The following WHAMM variants were observed in gnomAD, a reference collection of about 807,000 sequenced individuals.
WHAMM encodes WASP homolog associated with actin, golgi membranes and microtubules, also known as WASP homolog-associated protein with actin, membranes and microtubules.
Under a neutral mutation model 76.5 loss-of-function variants are expected in WHAMM, and 67 were observed. That is an observed-to-expected ratio of 0.88 (90% CI 0.72 to 1.07). The LOEUF (loss-of-function observed/expected upper bound fraction) is 1.07. Ranked by LOEUF, WHAMM falls within the 50% of genes least tolerant of loss-of-function variation. WHAMM has a pLI of 0.00. For missense variants in WHAMM, 1,021 were observed against 1,051.1 expected (o/e 0.97, Z 0.40); for synonymous variants, 419 against 422.1 (o/e 0.99, Z 0.09).
At chr15:82,821,525 T>C (rs1028643079) in intron 5 of WHAMM, among the ~76,000 whole-genome samples, 3 of 152,200 alleles carry the variant, frequency 2.0e-5, no homozygotes, top group African/African-American at 7.2e-5. Context: ...AGTTAAACAT[T>C]AGATTGACTT....
chr15:82,811,073 AT>A (rs571428839), intron 1 of WHAMM, among the ~76,000 whole-genome samples: 136 of 152,248 alleles, frequency 8.9e-4, no homozygotes, highest in African/African-American at 2.9e-3. Flanking sequence ...AACCTGAATG[AT>A]TTTTTTCTGT....
In WHAMM at chr15:82,824,162, C is replaced by CTTTTTTTTTTTTTTTTTTTT. The variant is rs71156055; in HGVS notation, c.1458+888_1458+889insTTTTTTTTTTTTTTTTTTTT. 6.1e-4 allele frequency among the ~76,000 whole-genome samples: 72 copies of CTTTTTTTTTTTTTTTTTTTT among 118,032 alleles called. 10 individuals carry two copies. The highest frequency in any genetic ancestry group is 8.5e-4 in the Non-Finnish European group (49 of 57,572). 77.4% of individuals were successfully genotyped at this position (118,032 alleles called of 152,430 possible). A position where few individuals can be genotyped will look rare whatever the true frequency, so the allele number is the denominator to read the frequency against. On this transcript the variant is annotated intron_variant, in intron 6 of 9. Transcript: ENST00000286760. Reference sequence around the variant, plus strand: ...TACTCATATTTACTATACTTTTCTCCTTTTTTTTTTTTTGAAACAGAGTCT... The same window carrying CTTTTTTTTTTTTTTTTTTTT: ...TACTCATATTTACTATACTTTTCTCCTTTTTTTTTTTTTTTTTTTTTTTTTTTTTTTTTGAAACAGAGTCT...
chr15:82,826,622 G>T, intron 7 of WHAMM, 126 bp downstream of exon 7: 1 of 1,575,780 alleles, frequency 6.3e-7, no homozygotes, highest in Non-Finnish European at 8.6e-7. Context: ...CAGGTCTGCA[G>T]CCTGGGCGCA....
In WHAMM at chr15:82,818,102, T is replaced by A; in HGVS notation, c.1104+13T>A. 6.5e-7 allele frequency: 1 copy of A among 1,531,976 alleles called. No individual in the cohort carries two copies. Among genetic ancestry groups the A allele is most frequent in the Non-Finnish European group, 8.8e-7 (1 of 1,137,266 alleles). 94.9% of individuals were successfully genotyped at this position (1,531,976 alleles called of 1,614,324 possible). On this transcript the variant is annotated intron_variant, in intron 4 of 9. Coordinates refer to ENST00000286760, the MANE Select transcript of WHAMM (RefSeq NM_001080435.3). ...AATTCAGGGAAAGGTAAGACAAAGATAAACATAACTTTGTTTTAAAAATAC... is the reference window on the plus strand; with the variant it reads ...AATTCAGGGAAAGGTAAGACAAAGAAAAACATAACTTTGTTTTAAAAATAC...
chr15:82,830,760 T>TG lies in WHAMM; in HGVS notation c.1805dup (p.Asn603Ter). The TG allele has an allele frequency of 1.2e-6, 2 of 1,613,988 alleles. No homozygotes were observed. Among genetic ancestry groups the TG allele is most frequent in the Non-Finnish European group, 1.7e-6 (2 of 1,179,886 alleles). Reference sequence around the variant, plus strand: ...CTAGAGGTGTTCCCCTATCGGAAGCTGGTAATGTGAAAAGCCCCAAGTGTC... The same window carrying TG: ...CTAGAGGTGTTCCCCTATCGGAAGCTGGGTAATGTGAAAAGCCCCAAGTGTC... On this transcript the variant is annotated frameshift_variant, in exon 9 of 10. Coordinates refer to ENST00000286760, the MANE Select transcript of WHAMM (RefSeq NM_001080435.3). LOFTEE classifies it high-confidence loss of function.
chr15:82,824,717 C>T (rs1171956420), intron 6 of WHAMM, among the ~76,000 whole-genome samples: 8 of 152,350 alleles, frequency 5.3e-5, no homozygotes, highest in South Asian at 4.1e-4. Context: ...CCACCTGCCT[C>T]AGCCTCCCAA....
intron 6 of WHAMM, among the ~76,000 whole-genome samples, chr15:82,825,634 TAA>T (rs1261445801): frequency 6.6e-6 from 1 of 151,878 alleles, no homozygotes; most frequent in Admixed American, 6.6e-5. Flanking sequence ...TCTCATCTGT[TAA>T]AAGAGGATGA....
Position 82,835,125 on chromosome 15 carries a change from G to A in WHAMM, c.*1589G>A, listed in dbSNP as rs1338929920. 7.1e-5 allele frequency: 6 copies of A among 84,866 alleles called. No individual in the cohort carries two copies. The highest frequency in any genetic ancestry group is 2.9e-4 in the African/African-American group (5 of 16,954). The allele number at this position is 84,866 out of a possible 1,614,324, so 5.3% of individuals were successfully genotyped here. A position where few individuals can be genotyped will look rare whatever the true frequency, so the allele number is the denominator to read the frequency against. ...ATAGAACAGAAATCTTCCTACTTCAGTTTTTTTGTTTTTTTTTTTGAGACA... is the reference window on the plus strand; with the variant it reads ...ATAGAACAGAAATCTTCCTACTTCAATTTTTTTGTTTTTTTTTTTGAGACA... On this transcript the variant is annotated 3_prime_UTR_variant, in exon 10 of 10. Transcript: ENST00000286760.
At position 82,819,406 on chromosome 15, in the gene WHAMM, A is replaced by C; in HGVS notation, c.1188A>C (p.Leu396=). The C allele has an allele frequency of 8.2e-7, 1 of 1,224,276 alleles. No individual in the cohort carries two copies. Among genetic ancestry groups the C allele is most frequent in the Non-Finnish European group, 1.1e-6 (1 of 906,782 alleles). 75.8% of individuals were successfully genotyped at this position (1,224,276 alleles called of 1,614,324 possible). ...AATTTTATGAAATTCAATTAGAACT[A>C]TATGAAGTTAAATTTGAGATATTAA... ...EIQFYEIQLE[L]YEVKFEILKN... The change falls in exon 5 of 10, where the codon CTA becomes CTC. Residue 396 remains leucine, a synonymous_variant. Transcript: ENST00000286760.
rs1566991038 is a variant in WHAMM at position 82,813,203 on chromosome 15, T to G, written c.710T>G (p.Met237Arg). Residue 237 changes from methionine to arginine, a missense_variant, in exon 2 of 10, where the codon ATG (methionine) becomes AGG (arginine). Met to Arg is a moderately conservative substitution (Grantham distance 91). Coordinates refer to ENST00000286760, the MANE Select transcript of WHAMM (RefSeq NM_001080435.3). ...CAGGAATTGGTTACCGTGGCAACCA[T>G]GTTCTTCCAGTACTTATTGCAGCCA... is the stretch of plus-strand genomic sequence containing the variant. The part of the protein sequence containing the change: ...AYQELVTVAT[M>R]FFQYLLQPFR... 6.2e-7 allele frequency: 1 copy of G among 1,613,136 alleles called. No homozygotes were observed. The highest frequency in any genetic ancestry group is 1.1e-5 in the South Asian group (1 of 90,870).
chr15:82,830,780 A>G lies in WHAMM; in HGVS notation c.1823A>G (p.Lys608Arg), dbSNP rs1364017235. 15 of 1,613,722 alleles carry G rather than the reference A, an allele frequency of 9.3e-6. No homozygotes were observed. Among genetic ancestry groups the G allele is most frequent in the Non-Finnish European group, 1.2e-5 (14 of 1,179,830 alleles). ...LSEAGNVKSP[K>R]CQNCHGNIPV... ...GAAGCTGGTAATGTGAAAAGCCCCAAGTGTCAAAACTGTCATGGAAATATC... is the reference window on the plus strand; with the variant it reads ...GAAGCTGGTAATGTGAAAAGCCCCAGGTGTCAAAACTGTCATGGAAATATC... The change falls in exon 9 of 10, where the codon AAG becomes AGG. Residue 608 changes from lysine to arginine, a missense_variant. Lys to Arg is a conservative substitution (Grantham distance 26). Around this residue, in one of 3 missense-constraint regions of WHAMM, gnomAD observed 509 missense variants for 492.3 expected, o/e 1.03. Transcript: ENST00000286760.
chr15:82,823,228 C>A lies in WHAMM; in HGVS notation c.1399C>A (p.Gln467Lys). ...GAAAGAACTCAGAAGGCAGTGCCAG[C>A]AGCTGGAGTCTAAACGGGGCAGGAT... is the stretch of plus-strand genomic sequence containing the variant. ...EVKELRRQCQQLESKRGRICA... is the reference protein window; with the variant it reads ...EVKELRRQCQKLESKRGRICA... The change falls in exon 6 of 10, where the codon CAG (glutamine) becomes AAG (lysine). Residue 467 changes from glutamine (Q) to lysine (K), a missense_variant. Around this residue, in one of 3 missense-constraint regions of WHAMM, gnomAD observed 509 missense variants for 492.3 expected, o/e 1.03. Coordinates refer to ENST00000286760, the MANE Select transcript of WHAMM (RefSeq NM_001080435.3). 1 of 1,585,266 alleles carries A rather than the reference C, an allele frequency of 6.3e-7. No homozygotes were observed. The highest frequency in any genetic ancestry group is 1.3e-5 in the African/African-American group (1 of 74,360).
rs1241026654 is a variant in WHAMM at position 82,835,209 on chromosome 15, C to T, written c.*1673C>T. On this transcript the variant is annotated 3_prime_UTR_variant, in exon 10 of 10. Transcript: ENST00000286760. ...TGGCACGATCTCAGCTCACTGCAACCTCTGCCTCCTGGGTTCAAGTGATTC... is the reference window on the plus strand; with the variant it reads ...TGGCACGATCTCAGCTCACTGCAACTTCTGCCTCCTGGGTTCAAGTGATTC... 6.6e-6 allele frequency: 1 copy of T among 152,170 alleles called. No individual in the cohort carries two copies. The highest frequency in any genetic ancestry group is 2.4e-5 in the African/African-American group (1 of 41,420). 9.4% of individuals were successfully genotyped at this position (152,170 alleles called of 1,614,324 possible). A position where few individuals can be genotyped will look rare whatever the true frequency, so the allele number is the denominator to read the frequency against.
chr15:82,823,019 ATTT>A, intron 5 of WHAMM, 78 bp from the exon 6 acceptor site: 1 of 1,190,954 alleles, frequency 8.4e-7, no homozygotes, highest in Non-Finnish European at 1.1e-6. Context: ...AGTGATCTTT[ATTT>A]TTCTTACATT....
At chr15:82,832,473 C>T (rs962890821) in intron 9 of WHAMM, among the ~76,000 whole-genome samples, 2 of 152,190 alleles carry the variant, frequency 1.3e-5, no homozygotes, top group Non-Finnish European at 2.9e-5. Context: ...TTTACCCTCT[C>T]AGGGGTCTCC....
chr15:82,822,982 ATAG>A, intron 5 of WHAMM, 115 bp from the exon 6 acceptor site: 1 of 826,898 alleles, frequency 1.2e-6, no homozygotes, highest in Non-Finnish European at 1.7e-6. Context: ...ATATATGTTA[ATAG>A]TGCTTCTCAG....
intron 8 of WHAMM, among the ~76,000 whole-genome samples, chr15:82,830,284 CTTA>C (rs1217943286): frequency 2.0e-5 from 3 of 150,664 alleles, no homozygotes; most frequent in South Asian, 4.2e-4. Flanking sequence ...CAACAAATAT[CTTA>C]TTATTCGTAT....
intron 2 of WHAMM, among the ~76,000 whole-genome samples, chr15:82,814,963 G>A (rs967384986): frequency 2.0e-5 from 3 of 148,116 alleles, no homozygotes; most frequent in Non-Finnish European, 4.5e-5. Flanking sequence ...GTAGAGATGG[G>A]GTTTCAACAT....
rs2050609690 is a variant in WHAMM, at chr15:82,810,478, C to T, written c.609+143C>T. 21 of 1,223,932 alleles carry T rather than the reference C, an allele frequency of 1.7e-5. No homozygotes were observed. The South Asian group carries it at 4.8e-4, about 28-fold the overall frequency. 75.8% of individuals were successfully genotyped at this position (1,223,932 alleles called of 1,614,324 possible). Reference sequence around the variant, plus strand: ...GAGAAGGCCGCGGGCTCCCCAGTGCCGTCACCTGCGCGGGACCGCTGCGGG... The same window carrying T: ...GAGAAGGCCGCGGGCTCCCCAGTGCTGTCACCTGCGCGGGACCGCTGCGGG... On this transcript the variant is annotated intron_variant, in intron 1 of 9. Coordinates refer to ENST00000286760, the MANE Select transcript of WHAMM (RefSeq NM_001080435.3).
Sources: gnomAD v4.1 joint callset for allele counts (sites outside exome capture counted in the v4.1 genomes callset) on GRCh38, gnomAD v4.1.1 for gene constraint, gnomAD v4.1.1 regional missense constraint, MANE v1.5 for transcripts, NCBI Gene and HGNC (gene_info 2026-07-23, HGNC 2026-07-21) for gene names.